The following REV3L variants were observed in gnomAD, a reference collection of about 807,000 sequenced individuals.
The protein encoded by REV3L is REV3 like, DNA directed polymerase zeta catalytic subunit, also known as DNA polymerase zeta catalytic subunit.
Under a neutral mutation model 299.4 loss-of-function variants are expected in REV3L, and 69 were observed. That is an observed-to-expected ratio of 0.23 (90% CI 0.19 to 0.28). REV3L has a LOEUF of 0.28. Among genes scored for constraint, REV3L ranks in the 10% least tolerant of loss-of-function variants. The probability of loss-of-function intolerance (pLI) is 1.00; values close to 1 mark genes in which losing one functional copy is unlikely to be tolerated. For missense variants in REV3L, 3,128 were observed against 3,693.8 expected, an observed-to-expected ratio of 0.85 and a Z score of 3.97; for synonymous variants, 1,238 against 1,271.4, an observed-to-expected ratio of 0.97 and a Z score of 0.56.
intron 1 of REV3L, among the ~76,000 whole-genome samples, chr6:111,447,625 CCTTTGGTGCAA>C (rs1789010187): frequency 6.6e-6 from 1 of 152,080 alleles, no homozygotes; most frequent in African/African-American, 2.4e-5. Flanking sequence ...TCACAGTGAA[CCTTTGGTGCAA>C]CTACCTCCTG....
At chr6:111,444,309 A>G (rs1788597817) in intron 1 of REV3L, among the ~76,000 whole-genome samples, 1 of 152,238 alleles carries the variant, frequency 6.6e-6, no homozygotes, top group African/African-American at 2.4e-5. Flanking sequence ...TTCAAATCCA[A>G]GTATATACAA....
At chr6:111,483,327 CCGGGCGGGACA>C (rs1794010711), upstream of REV3L, 1 of 478,036 alleles carries the variant, frequency 2.1e-6, no homozygotes, top group Admixed American at 4.4e-5. Flanking sequence ...GGGCGGGCGC[CCGGGCGGGACA>C]CGGAGGGCGG....
At chr6:111,396,363 T>A (rs904129636) in intron 4 of REV3L, among the ~76,000 whole-genome samples, 9 of 151,604 alleles carry the variant, frequency 5.9e-5, no homozygotes, top group Admixed American at 3.3e-4. Context: ...TGTATTTTTT[T>A]TTTTTTATGT....
chr6:111,310,824 C>A (rs1772892360), intron 29 of REV3L: 1 of 375,594 alleles, frequency 2.7e-6, no homozygotes, highest in African/African-American at 2.1e-5. Flanking sequence ...GTGGGAAAAA[C>A]AAATGAATCA....
intron 1 of REV3L, among the ~76,000 whole-genome samples, chr6:111,443,235 G>A (rs1035814071): frequency 2.0e-5 from 3 of 151,390 alleles, no homozygotes; most frequent in Non-Finnish European, 4.4e-5. Context: ...TGCAACCTCC[G>A]CTTCCTGGGT....
Position 111,383,611 on chromosome 6 carries a change from C to T in REV3L, c.1097-2167G>A, listed in dbSNP as rs553455378. On this transcript the variant is annotated intron_variant, in intron 9 of 31. Coordinates refer to ENST00000368802, the MANE Select transcript of REV3L (RefSeq NM_001372078.1). ...CACTGATGCAAGAAATTGAAGAGTACACCAAAAAATGGAAAAGATATTCCA... is the reference window on the plus strand; with the variant it reads ...CACTGATGCAAGAAATTGAAGAGTATACCAAAAAATGGAAAAGATATTCCA... 3.1e-3 allele frequency among the ~76,000 whole-genome samples: 471 copies of T among 152,134 alleles called. 2 individuals carry two copies. Among genetic ancestry groups the T allele is most frequent in the Middle Eastern group, 6.8e-3 (2 of 294 alleles).
Position 111,483,029 on chromosome 6 carries a change from G to A in REV3L, c.-141C>T. The A allele has an allele frequency of 9.3e-7, 1 of 1,072,554 alleles. No individual in the cohort carries two copies. Among genetic ancestry groups the A allele is most frequent in the Non-Finnish European group, 1.2e-6 (1 of 812,410 alleles). The allele number at this position is 1,072,554 out of a possible 1,614,324, so 66.4% of individuals were successfully genotyped here. ...CTCCCCTCACACAGAGGCACCTCGA[G>A]GAGCGGCGGGCGGGGCGGTGTAGGC... On this transcript the variant is annotated 5_prime_UTR_variant, in exon 1 of 32. Transcript: ENST00000368802.
chr6:111,364,427 A>T (rs1196600791), intron 15 of REV3L, among the ~76,000 whole-genome samples: 1 of 152,106 alleles, frequency 6.6e-6, no homozygotes, highest in Non-Finnish European at 1.5e-5. Context: ...TAAATAAAAC[A>T]ATGTAATCTT....
chr6:111,307,672 C>T (rs959321877), intron 30 of REV3L, 102 bp from the exon 31 acceptor site: 1 of 1,036,274 alleles, frequency 9.6e-7, no homozygotes, highest in African/African-American at 1.6e-5. Context: ...TTCATTCGTT[C>T]ATTCACTCAT....
In REV3L at chr6:111,299,928, C is replaced by T. The variant is rs1163575482; in HGVS notation, c.*88G>A. 1 of 1,300,384 alleles carries T rather than the reference C, an allele frequency of 7.7e-7. No individual in the cohort carries two copies. The highest frequency in any genetic ancestry group is 1.5e-5 in the African/African-American group (1 of 66,730). The allele number at this position is 1,300,384 out of a possible 1,614,324, so 80.6% of individuals were successfully genotyped here. On this transcript the variant is annotated 3_prime_UTR_variant, in exon 32 of 32. Transcript: ENST00000368802. ...GATAACAGACAGTGAACATCCTTGA[C>T]TCGATGAAAGTTAAAAAGCACCATG...
At chr6:111,376,802 A>G in intron 12 of REV3L, 45 bp from the exon 13 acceptor site, 1 of 1,433,018 alleles carries the variant, frequency 7.0e-7, no homozygotes. Context: ...TTACTCTTTT[A>G]ATTTTTAAGA....
chr6:111,388,632 A>C (rs1781584714), intron 7 of REV3L, among the ~76,000 whole-genome samples: 1 of 152,332 alleles, frequency 6.6e-6, no homozygotes, highest in South Asian at 2.1e-4. Context: ...ATTTAGCAAT[A>C]AATGTTTCTT....
In REV3L at chr6:111,372,839, A is replaced by G. The variant is rs1193952228; in HGVS notation, c.5516T>C (p.Leu1839Pro). ...CATATCATTGTTTCTTGAAACATAC[A>G]GTTCTAAATCTTCACAGGCCACGTC... ...LVDVACEDLE[L>P]YVSRNNDMLT... The change falls in exon 13 of 32, where the codon CTG becomes CCG. Residue 1839 changes from leucine (L) to proline (P), a missense_variant. By Grantham distance (98) the Leu-to-Pro change is moderately conservative. Coordinates refer to ENST00000368802, the MANE Select transcript of REV3L (RefSeq NM_001372078.1). The G allele has an allele frequency of 1.9e-6, 3 of 1,614,048 alleles. No individual in the cohort carries two copies. The highest frequency in any genetic ancestry group is 1.3e-5 in the African/African-American group (1 of 75,056).
In REV3L at chr6:111,375,144, T is replaced by C. The variant is rs374607086; in HGVS notation, c.3211A>G (p.Lys1071Glu). Residue 1071 changes from lysine to glutamate, a missense_variant, in exon 13 of 32, where the codon AAA (lysine) becomes GAA (glutamate). By Grantham distance (56) the Lys-to-Glu change is moderately conservative. Coordinates refer to ENST00000368802, the MANE Select transcript of REV3L (RefSeq NM_001372078.1). ...TTTTTCCTGAAAGACAAAGTTCTTT[T>C]AATATTTTCATTATTTGTCCTTTGT... ...KQQRTNNENI[K>E]RTLSFRKKRS... 5 of 1,608,340 alleles carry C rather than the reference T, an allele frequency of 3.1e-6. No homozygotes were observed. The South Asian group carries it at 3.4e-5, about 11-fold the overall frequency.
At chr6:111,476,939 A>T (rs1043973926) in intron 1 of REV3L, among the ~76,000 whole-genome samples, 7 of 151,842 alleles carry the variant, frequency 4.6e-5, no homozygotes, top group Non-Finnish European at 1.0e-4. Context: ...TGGTTTTTTT[A>T]AATTATAAAA....
intron 31 of REV3L, among the ~76,000 whole-genome samples, chr6:111,301,557 G>A (rs1433984840): frequency 2.0e-5 from 3 of 151,510 alleles, no homozygotes; most frequent in Admixed American, 2.0e-4. Context: ...GTGCAGACCA[G>A]TGGTTCTTAA....
At chr6:111,409,855 G>A (rs1242814012) in intron 3 of REV3L, among the ~76,000 whole-genome samples, 2 of 152,056 alleles carry the variant, frequency 1.3e-5, no homozygotes, top group African/African-American at 2.4e-5. Context: ...CAGAACTGAC[G>A]TTTTCATTTG....
intron 1 of REV3L, among the ~76,000 whole-genome samples, chr6:111,443,469 T>C (rs112031155): frequency 6.6e-6 from 1 of 152,346 alleles, no homozygotes; most frequent in African/African-American, 2.4e-5. Flanking sequence ...TTTTATTGTC[T>C]TCCTTTCAAG....
At position 111,439,950 on chromosome 6, in the gene REV3L, T is replaced by C. The variant is rs549929739; in HGVS notation, c.140-23478A>G. 1.8e-4 allele frequency among the ~76,000 whole-genome samples: 27 copies of C among 152,322 alleles called. 1 individual carries two copies. In the South Asian group the frequency reaches 4.3e-3, roughly 25 times the overall value. ...TCAGCCATCATATTCACCTGACCTC[T>C]TGCCAGTGGACTATGATTTCTTCCA... On this transcript the variant is annotated intron_variant, in intron 1 of 31. Transcript: ENST00000368802.
Sources: allele counts gnomAD v4.1 joint callset (sites outside exome capture counted in the v4.1 genomes callset), GRCh38; gene constraint gnomAD v4.1.1; transcripts MANE v1.5; gene names NCBI Gene and HGNC (gene_info 2026-07-23, HGNC 2026-07-21).